Variants in CDC42EP4 observed in about 807,000 individuals in gnomAD.
The protein encoded by CDC42EP4 is CDC42 effector protein 4.
In CDC42EP4, 6 loss-of-function variants were observed where a neutral mutation model predicts 5.6. The observed-to-expected ratio is 1.07, with a 90% CI of 0.59 to 2.12. CDC42EP4 has a LOEUF of 2.12. CDC42EP4 is among the 30% of genes most tolerant of loss of function. The probability of loss-of-function intolerance (pLI) is 0.00; values close to 1 mark genes in which losing one functional copy is unlikely to be tolerated. For missense variants in CDC42EP4, 490 were observed against 508.6 expected (o/e 0.96, Z 0.35); for synonymous variants, 230 against 224.2 (o/e 1.03, Z -0.23).
At position 73,285,658 on chromosome 17, in the gene CDC42EP4, C is replaced by T; in HGVS notation, c.843G>A (p.Leu281=). Residue 281 remains leucine (L), a synonymous_variant, in exon 2 of 2, where the codon CTG becomes CTA. Coordinates refer to ENST00000335793, the MANE Select transcript of CDC42EP4 (RefSeq NM_012121.5). This position sits in a 1 kb window ranked among gnomAD's most constrained non-coding sequence, Gnocchi z 6.8. ...PDLPSLPSHA[L]EDEGWAAAAP... ...CCGCTGCTGCCCACCCCTCATCCTC[C>T]AGAGCATGGGAGGGGAGGGAGGGCA... 1 of 1,588,960 alleles carries T rather than the reference C, an allele frequency of 6.3e-7. No homozygotes were observed.
Position 73,309,746 on chromosome 17 carries a change from G to A in CDC42EP4, c.-113+2147C>T, listed in dbSNP as rs1168725176. Reference sequence around the variant, plus strand: ...AGGGAGATTTCAGAGGGGAGGCGCTGAGACTCACCCCAGAACCACCGCCCA... The same window carrying A: ...AGGGAGATTTCAGAGGGGAGGCGCTAAGACTCACCCCAGAACCACCGCCCA... On this transcript the variant is annotated intron_variant, in intron 1 of 1. Transcript: ENST00000335793. 8 of 152,556 alleles carry A rather than the reference G, an allele frequency of 5.2e-5. No homozygotes were observed. In the East Asian group the frequency reaches 1.4e-3, roughly 26 times the overall value. 9.5% of individuals were successfully genotyped at this position (152,556 alleles called of 1,614,324 possible).
At chr17:73,307,263 A>G (rs1019955456) in intron 1 of CDC42EP4, 3 of 152,184 alleles carry the variant, frequency 2.0e-5, no homozygotes, top group African/African-American at 4.8e-5. Context: ...AGGGCTTTGG[A>G]TGCCAGCACT....
At chr17:73,298,262 C>G (rs2145319292) in intron 1 of CDC42EP4, among the ~76,000 whole-genome samples, 1 of 152,272 alleles carries the variant, frequency 6.6e-6, no homozygotes, top group East Asian at 1.9e-4. Context: ...TCTAAGTTGC[C>G]TGGGCGGAGG....
At chr17:73,304,498 G>A (rs1024478117) in intron 1 of CDC42EP4, among the ~76,000 whole-genome samples, 3 of 152,030 alleles carry the variant, frequency 2.0e-5, no homozygotes, top group African/African-American at 4.8e-5. Flanking sequence ...ATCCCATGGA[G>A]TTATCACTAT....
intron 1 of CDC42EP4, among the ~76,000 whole-genome samples, chr17:73,305,332 A>G (rs56142452): frequency 0.37 from 56,218 of 152,082 alleles, 10,759 homozygotes; most frequent in African/African-American, 0.46. Flanking sequence ...CTCCTCCTCT[A>G]GGAGTGGTGC....
intron 1 of CDC42EP4, among the ~76,000 whole-genome samples, chr17:73,289,094 C>T (rs963128847): frequency 2.6e-5 from 4 of 152,204 alleles, no homozygotes; most frequent in Admixed American, 6.5e-5. Flanking sequence ...CATTGAACCG[C>T]TAGACCAAAG....
At chr17:73,296,201 T>C (rs1401027889) in intron 1 of CDC42EP4, among the ~76,000 whole-genome samples, 1 of 143,568 alleles carries the variant, frequency 7.0e-6, no homozygotes, top group East Asian at 2.0e-4. Flanking sequence ...CTGACCAATA[T>C]GGCGAAACCC....
At chr17:73,310,745 A>T (rs116340055) in intron 1 of CDC42EP4, 1,302 of 8,434 alleles carry the variant, frequency 0.15, 22 homozygotes, top group African/African-American at 0.34. Context: ...TCCCCCAGTC[A>T]CACACACACA....
chr17:73,309,470 C>T (rs1259517228), intron 1 of CDC42EP4, among the ~76,000 whole-genome samples: 1 of 152,182 alleles, frequency 6.6e-6, no homozygotes, highest in Non-Finnish European at 1.5e-5. Flanking sequence ...GCTTCTGACT[C>T]CTTGGTCTCT....
intron 1 of CDC42EP4, among the ~76,000 whole-genome samples, chr17:73,304,656 G>A (rs1034274626): frequency 7.1e-6 from 1 of 140,798 alleles, no homozygotes; most frequent in Non-Finnish European, 1.6e-5. Flanking sequence ...ACATCGGGGT[G>A]GGGGGGGCGG....
At chr17:73,293,264 A>T (rs2062169925) in intron 1 of CDC42EP4, among the ~76,000 whole-genome samples, 1 of 152,044 alleles carries the variant, frequency 6.6e-6, no homozygotes, top group Non-Finnish European at 1.5e-5. Context: ...GCATTGGAGG[A>T]ATGAAGGAGG....
chr17:73,296,532 G>T lies in CDC42EP4; in HGVS notation c.-112-9920C>A, dbSNP rs1371000464. The stretch of plus-strand genomic sequence containing the variant: ...CTCAGAGCACCATTCAGCAGTCATG[G>T]AAAGTGGGAACTATGAAGACCATAG... On this transcript the variant is annotated intron_variant, in intron 1 of 1. Coordinates refer to ENST00000335793, the MANE Select transcript of CDC42EP4 (RefSeq NM_012121.5). 2.0e-5 allele frequency among the ~76,000 whole-genome samples: 3 copies of T among 152,030 alleles called. No homozygotes were observed. The East Asian group carries it at 5.8e-4, about 29-fold the overall frequency.
chr17:73,299,283 A>T lies in CDC42EP4; in HGVS notation c.-113+12610T>A, dbSNP rs565897109. ...CTAAAAATATTTAAAAAAAAAAATTAGCCAGGCGTGGTGGTGGGCGCCTGT... is the reference window on the plus strand; with the variant it reads ...CTAAAAATATTTAAAAAAAAAAATTTGCCAGGCGTGGTGGTGGGCGCCTGT... On this transcript the variant is annotated intron_variant, in intron 1 of 1. Coordinates refer to ENST00000335793, the MANE Select transcript of CDC42EP4 (RefSeq NM_012121.5). 2.6e-5 allele frequency among the ~76,000 whole-genome samples: 4 copies of T among 151,724 alleles called. No homozygotes were observed. In the South Asian group the frequency reaches 6.2e-4, roughly 24 times the overall value.
intron 1 of CDC42EP4, chr17:73,311,248 A>C (rs2145334241): frequency 6.6e-6 from 1 of 152,220 alleles, no homozygotes; most frequent in East Asian, 2.0e-4. Flanking sequence ...GGGCGGGAGT[A>C]GGGGAAAGGA....
intron 1 of CDC42EP4, among the ~76,000 whole-genome samples, chr17:73,301,711 T>A (rs1276551639): frequency 5.3e-5 from 3 of 56,334 alleles, no homozygotes; most frequent in East Asian, 5.5e-4. Context: ...CATGCCCAGC[T>A]TTTTTTTTTT....
chr17:73,310,934 A>C (rs56348003), intron 1 of CDC42EP4: 41,298 of 151,904 alleles, frequency 0.27, 5,689 homozygotes, highest in Admixed American at 0.33. Context: ...CGCCGGGGGC[A>C]GGGGGCAGTT....
At chr17:73,293,813 G>A (rs2062172489) in intron 1 of CDC42EP4, among the ~76,000 whole-genome samples, 1 of 152,224 alleles carries the variant, frequency 6.6e-6, no homozygotes, top group African/African-American at 2.4e-5. Context: ...AACTGTGGCA[G>A]GGCTGAGGGC....
intron 1 of CDC42EP4, among the ~76,000 whole-genome samples, chr17:73,301,461 T>C (rs759727718): frequency 2.6e-5 from 4 of 152,258 alleles, no homozygotes; most frequent in Non-Finnish European, 5.9e-5. Context: ...ATCTAATTTT[T>C]ACATCCAATC....
At chr17:73,300,614 GAA>G (rs2062213814) in intron 1 of CDC42EP4, among the ~76,000 whole-genome samples, 1 of 152,160 alleles carries the variant, frequency 6.6e-6, no homozygotes, top group African/African-American at 2.4e-5. Flanking sequence ...TGAGGGATGA[GAA>G]GTTACTTAAT....
Sources: gnomAD v4.1 joint callset for allele counts (sites outside exome capture counted in the v4.1 genomes callset) on GRCh38, gnomAD v4.1.1 for gene constraint, Gnocchi (gnomAD v3.1) non-coding constraint, MANE v1.5 for transcripts, NCBI Gene and HGNC (gene_info 2026-07-23, HGNC 2026-07-21) for gene names.